FUT8: variants seen among roughly 807,000 people sequenced by gnomAD.
FUT8 encodes fucosyltransferase 8.
FUT8 carries 29 observed loss-of-function variants against 71.3 expected under a neutral mutation model. That is an observed-to-expected ratio of 0.41 (90% CI 0.30 to 0.55). The LOEUF is 0.55. FUT8 is among the 20% of genes least tolerant of loss of function. FUT8 has a pLI of 0.34. For missense variants in FUT8, 544 were observed against 702.1 expected, an observed-to-expected ratio of 0.77 and a Z score of 2.55; for synonymous variants, 254 against 239.3, an observed-to-expected ratio of 1.06 and a Z score of -0.57.
chr14:65,610,586 T>A (rs980738740), intron 3 of FUT8, among the ~76,000 whole-genome samples: 2 of 151,652 alleles, frequency 1.3e-5, no homozygotes, highest in African/African-American at 4.8e-5. Flanking sequence ...ACGGGGTTTC[T>A]CCATGTTGGT....
rs77394707 is a variant in FUT8 at position 65,582,372 on chromosome 14, G to C, written c.203+20606G>C. Among the ~76,000 whole-genome samples, 469 of 152,064 alleles carry C rather than the reference G, an allele frequency of 3.1e-3. 3 individuals are homozygous for C. The East Asian group carries it at 0.036, about 12-fold the overall frequency. On this transcript the variant is annotated intron_variant, in intron 3 of 10. Coordinates refer to ENST00000673929, the MANE Select transcript of FUT8 (RefSeq NM_001371533.1). ...ATAATGTTGGCGTTTCGTGATCTCT[G>C]TTCACCTCATTAATGTTTACTCTTA...
chr14:65,378,004 G>A, the FUT8 span, among the ~76,000 whole-genome samples: 3 of 152,196 alleles, frequency 2.0e-5, 1 homozygote, highest in South Asian at 6.2e-4. Context: ...GAGATGAGGG[G>A]CAGAGGGAGA....
intron 2 of FUT8, among the ~76,000 whole-genome samples, chr14:65,486,391 G>C (rs1365985398): frequency 6.6e-6 from 1 of 152,198 alleles, no homozygotes; most frequent in Non-Finnish European, 1.5e-5. Context: ...TCTGTTAGGA[G>C]TACAATTGTT....
intron 2 of FUT8, among the ~76,000 whole-genome samples, chr14:65,530,707 G>C (rs1268110936): frequency 6.6e-6 from 1 of 151,742 alleles, no homozygotes; most frequent in Non-Finnish European, 1.5e-5. Flanking sequence ...TAACTCTAAT[G>C]ATTTATAAGA....
chr14:65,395,307 G>A, the FUT8 span, among the ~76,000 whole-genome samples: 1 of 152,208 alleles, frequency 6.6e-6, no homozygotes, highest in Non-Finnish European at 1.5e-5. Flanking sequence ...ACTAGGCAGT[G>A]CCCCAGTTGG....
chr14:65,700,689 A>G lies in FUT8; in HGVS notation c.836-21086A>G, dbSNP rs1423162864. Among the ~76,000 whole-genome samples the G allele has an allele frequency of 5.9e-5, 9 of 152,098 alleles. No homozygotes were observed. In the East Asian group the frequency reaches 1.2e-3, roughly 20 times the overall value. On this transcript the variant is annotated intron_variant, in intron 7 of 10. Coordinates refer to ENST00000673929, the MANE Select transcript of FUT8 (RefSeq NM_001371533.1). ...GCTGGGATTACAGGCTTGAGCCACCACACCCAGCCTCTTAAACTACTTTCA... is the reference window on the plus strand; with the variant it reads ...GCTGGGATTACAGGCTTGAGCCACCGCACCCAGCCTCTTAAACTACTTTCA...
chr14:65,518,566 C>T (rs1882862222), intron 2 of FUT8, among the ~76,000 whole-genome samples: 1 of 152,134 alleles, frequency 6.6e-6, no homozygotes, highest in South Asian at 2.1e-4. Context: ...CACTCTGTCG[C>T]CCAGGCTAGA....
intron 10 of FUT8, among the ~76,000 whole-genome samples, chr14:65,740,844 G>T (rs941313756): frequency 6.6e-6 from 1 of 151,974 alleles, no homozygotes; most frequent in Non-Finnish European, 1.5e-5. Context: ...TGAGATTTGG[G>T]CAGGTAACAC....
At chr14:65,546,882 A>G (rs764552350) in intron 2 of FUT8, among the ~76,000 whole-genome samples, 2 of 151,746 alleles carry the variant, frequency 1.3e-5, no homozygotes, top group African/African-American at 2.4e-5. Flanking sequence ...ACAAATACGC[A>G]TTCAACTTCC....
intron 2 of FUT8, among the ~76,000 whole-genome samples, chr14:65,470,893 AG>A (rs2066134418): frequency 6.6e-6 from 1 of 151,768 alleles, no homozygotes; most frequent in African/African-American, 2.4e-5. Flanking sequence ...CTGTTGAGGG[AG>A]GGGGTCTGTC....
At chr14:65,657,707 C>T (rs977357298) in intron 6 of FUT8, among the ~76,000 whole-genome samples, 1 of 151,676 alleles carries the variant, frequency 6.6e-6, no homozygotes, top group Non-Finnish European at 1.5e-5. Context: ...GGTAAGGGGA[C>T]GTGGTTAATG....
At chr14:65,556,723 G>A (rs905409576) in intron 2 of FUT8, among the ~76,000 whole-genome samples, 3 of 152,206 alleles carry the variant, frequency 2.0e-5, no homozygotes, top group African/African-American at 7.2e-5. Flanking sequence ...ACAACAGCAT[G>A]TGGCATATTA....
chr14:65,501,916 CTT>C (rs1222870459), intron 2 of FUT8, among the ~76,000 whole-genome samples: 1 of 143,146 alleles, frequency 7.0e-6, no homozygotes. Flanking sequence ...TCTTTTCTTT[CTT>C]TTTTTTTTTT....
chr14:65,466,649 C>T (rs1409486946), intron 2 of FUT8, among the ~76,000 whole-genome samples: 1 of 152,080 alleles, frequency 6.6e-6, no homozygotes, highest in Non-Finnish European at 1.5e-5. Flanking sequence ...ACTCAGGGGG[C>T]TGAGGCAGGA....
chr14:65,608,030 A>T (rs1227830631), intron 3 of FUT8, among the ~76,000 whole-genome samples: 1 of 143,072 alleles, frequency 7.0e-6, no homozygotes, highest in East Asian at 2.0e-4. Context: ...GTGCCACTGC[A>T]CTCCAGCCTG....
At chr14:65,503,133 A>C (rs946459539) in intron 2 of FUT8, among the ~76,000 whole-genome samples, 2 of 152,244 alleles carry the variant, frequency 1.3e-5, no homozygotes, top group African/African-American at 4.8e-5. Context: ...GGATCAGAGA[A>C]ATATATGCTT....
At chr14:65,591,331 G>T (rs902840694) in intron 3 of FUT8, among the ~76,000 whole-genome samples, 3 of 152,102 alleles carry the variant, frequency 2.0e-5, no homozygotes, top group Non-Finnish European at 2.9e-5. Flanking sequence ...TTAGACTGAA[G>T]TATTTAAGAA....
At chr14:65,640,220 A>G (rs923970367) in intron 6 of FUT8, among the ~76,000 whole-genome samples, 2 of 152,048 alleles carry the variant, frequency 1.3e-5, no homozygotes, top group African/African-American at 4.8e-5. Flanking sequence ...AAGATGAAGA[A>G]AAATAAAAGG....
the FUT8 span, among the ~76,000 whole-genome samples, chr14:65,364,203 AT>A: frequency 6.6e-6 from 1 of 150,932 alleles, no homozygotes; most frequent in Non-Finnish European, 1.5e-5. Flanking sequence ...ATCCAAAACC[AT>A]TTTTTTTTGT....
Sources: allele counts gnomAD v4.1 joint callset (sites outside exome capture counted in the v4.1 genomes callset), GRCh38; gene constraint gnomAD v4.1.1; transcripts MANE v1.5; gene names NCBI Gene and HGNC (gene_info 2026-07-23, HGNC 2026-07-21).